LRIG3: variants seen among roughly 807,000 people sequenced by gnomAD.
The protein encoded by LRIG3 is leucine rich repeats and immunoglobulin like domains 3, also known as leucine-rich repeats and immunoglobulin-like domains protein 3.
Under a neutral mutation model 114.5 loss-of-function variants are expected in LRIG3, and 76 were observed. The observed-to-expected ratio is 0.66, with a 90% CI of 0.55 to 0.80. LRIG3 has a LOEUF of 0.80. LRIG3 is among the 30% of genes least tolerant of loss of function. The pLI, the probability that LRIG3 is intolerant of heterozygous loss-of-function variation, is 0.00. For missense variants in LRIG3, 1,239 were observed against 1,382.8 expected (o/e 0.90, Z 1.65); for synonymous variants, 512 against 519.8 (o/e 0.98, Z 0.20).
At chr12:58,908,923 AT>A (rs1329665939) in intron 3 of LRIG3, among the ~76,000 whole-genome samples, 3 of 152,246 alleles carry the variant, frequency 2.0e-5, no homozygotes, top group Non-Finnish European at 2.9e-5. Context: ...GAGGATAAAA[AT>A]ATAAACAAAA....
chr12:58,882,775 A>G, intron 12 of LRIG3, 94 bp downstream of exon 12: 1 of 1,336,734 alleles, frequency 7.5e-7, no homozygotes, highest in East Asian at 2.4e-5. Context: ...AGCTTTATAA[A>G]GAGATCATAA....
At chr12:58,883,630 C>G (rs775059494) in intron 10 of LRIG3, 39 bp from the exon 11 acceptor site, 14 of 1,462,272 alleles carry the variant, frequency 9.6e-6, no homozygotes, top group Non-Finnish European at 1.3e-5. Flanking sequence ...GAGCAAACTA[C>G]CATCATTTCG....
intron 13 of LRIG3, among the ~76,000 whole-genome samples, chr12:58,879,907 T>C (rs1159136215): frequency 6.6e-6 from 1 of 152,166 alleles, no homozygotes; most frequent in Non-Finnish European, 1.5e-5. Context: ...AGTGGCAGGA[T>C]TCACACACAG....
intron 3 of LRIG3, among the ~76,000 whole-genome samples, chr12:58,892,164 C>A (rs901713066): frequency 6.6e-6 from 1 of 152,158 alleles, no homozygotes; most frequent in Non-Finnish European, 1.5e-5. Context: ...AACGGATGTG[C>A]AAGCCATCAT....
intron 1 of LRIG3, 91 bp from the exon 2 acceptor site, chr12:58,914,427 T>A: frequency 2.1e-6 from 2 of 958,330 alleles, no homozygotes; most frequent in Non-Finnish European, 3.3e-6. Context: ...TGAACACCAG[T>A]GAGAGCAGGA....
intron 3 of LRIG3, among the ~76,000 whole-genome samples, chr12:58,899,553 T>C (rs1871767160): frequency 1.3e-5 from 2 of 152,310 alleles, no homozygotes; most frequent in South Asian, 2.1e-4. Context: ...ACTGTTTTTT[T>C]CATCATGTTT....
At chr12:58,875,886 A>G (rs1449383685) in intron 16 of LRIG3, among the ~76,000 whole-genome samples, 1 of 152,144 alleles carries the variant, frequency 6.6e-6, no homozygotes, top group Non-Finnish European at 1.5e-5. Flanking sequence ...CTAAAAATAC[A>G]AAAACAAAAG....
chr12:58,905,118 C>A (rs1208889252), intron 3 of LRIG3, among the ~76,000 whole-genome samples: 2 of 152,150 alleles, frequency 1.3e-5, no homozygotes, highest in Non-Finnish European at 2.9e-5. Context: ...AATGGGCCAA[C>A]AGGATGCAGA....
intron 3 of LRIG3, chr12:58,913,564 C>CA (rs140766279): frequency 0.026 from 4,023 of 155,874 alleles, 135 homozygotes; most frequent in East Asian, 0.099. Context: ...ATGGCTTATT[C>CA]TCAACTCCGG....
intron 14 of LRIG3, among the ~76,000 whole-genome samples, chr12:58,878,482 T>TA (rs896508081): frequency 2.0e-5 from 3 of 152,164 alleles, no homozygotes; most frequent in Non-Finnish European, 4.4e-5. Flanking sequence ...CATTTTTTTT[T>TA]AATGTTCTTT....
chr12:58,899,847 G>T (rs908129487), intron 3 of LRIG3, among the ~76,000 whole-genome samples: 1 of 152,062 alleles, frequency 6.6e-6, no homozygotes, highest in African/African-American at 2.4e-5. Context: ...AGGACAAAAT[G>T]GCCACATGTC....
At position 58,872,353 on chromosome 12, in the gene LRIG3, CAA is replaced by C. The variant is rs1350042550; in HGVS notation, c.*217_*218del. 6 of 339,374 alleles carry C rather than the reference CAA, an allele frequency of 1.8e-5. No individual in the cohort carries two copies. Among genetic ancestry groups the C allele is most frequent in the Non-Finnish European group, 3.1e-5 (6 of 194,326 alleles). 21.0% of individuals were successfully genotyped at this position (339,374 alleles called of 1,614,324 possible). ...ACGTAAGATACTTTTTTGCATAAAA[CAA>C]AGTTAAAAAATAGTTTAAAAAGGTA... is the stretch of plus-strand genomic sequence containing the variant. On this transcript the variant is annotated 3_prime_UTR_variant, in exon 19 of 19. Transcript: ENST00000320743.
At chr12:58,914,111 T>A in intron 2 of LRIG3, 55 bp from the exon 3 acceptor site, 1 of 1,567,204 alleles carries the variant, frequency 6.4e-7, no homozygotes, top group Non-Finnish European at 8.7e-7. Flanking sequence ...AATCTGTAAT[T>A]CACAGAGGTG....
Position 58,880,398 on chromosome 12 carries a change from A to G in LRIG3, c.1801+183T>C, listed in dbSNP as rs751980444. 6 of 720,174 alleles carry G rather than the reference A, an allele frequency of 8.3e-6. No individual in the cohort carries two copies. In the South Asian group the frequency reaches 9.0e-5, roughly 11 times the overall value. 44.6% of individuals were successfully genotyped at this position (720,174 alleles called of 1,614,324 possible). On this transcript the variant is annotated intron_variant, in intron 13 of 18. Coordinates refer to ENST00000320743, the MANE Select transcript of LRIG3 (RefSeq NM_153377.5). ...CTGAGTACGGTGTCGTCTTCAACAT[A>G]ATTGCAGGTTTAGATACAAATAACC...
rs79037840 is a variant in LRIG3 at position 58,884,884 on chromosome 12, T to C, written c.1244+947A>G. On this transcript the variant is annotated intron_variant, in intron 10 of 18. Transcript: ENST00000320743. ...TCCTTAACAGTCAGAGTCGATATTA[T>C]ACATTACTTTGTACTTTTACTGTAC... 7.2e-3 allele frequency among the ~76,000 whole-genome samples: 1,095 copies of C among 152,338 alleles called. 13 individuals carry two copies. The highest frequency in any genetic ancestry group is 0.024 in the African/African-American group (991 of 41,570).
chr12:58,909,629 C>T (rs889700951), intron 3 of LRIG3, among the ~76,000 whole-genome samples: 1 of 152,204 alleles, frequency 6.6e-6, no homozygotes, highest in Non-Finnish European at 1.5e-5. Flanking sequence ...ACATGCAAGA[C>T]AGCTTTACCT....
In LRIG3 at chr12:58,919,985, G is replaced by A. The variant is rs921447557; in HGVS notation, c.236+15C>T. On this transcript the variant is annotated intron_variant, in intron 1 of 18. Transcript: ENST00000320743. ...AGCGGCCCGGGCCCCCTCCCCCCGCGGGAAGAATACTTACAGCCGAGCGAC... is the reference window on the plus strand; with the variant it reads ...AGCGGCCCGGGCCCCCTCCCCCCGCAGGAAGAATACTTACAGCCGAGCGAC... 11 of 1,549,044 alleles carry A rather than the reference G, an allele frequency of 7.1e-6. No homozygotes were observed. Among genetic ancestry groups the A allele is most frequent in the African/African-American group, 4.1e-5 (3 of 73,070 alleles).
chr12:58,888,620 ATATAGTT>A (rs1264159168), intron 6 of LRIG3, 148 bp from the exon 7 acceptor site: 1 of 1,242,148 alleles, frequency 8.1e-7, no homozygotes, highest in Non-Finnish European at 1.1e-6. Flanking sequence ...AAAAAATACT[ATATAGTT>A]TATACTATAC....
chr12:58,906,204 T>G (rs916836996), intron 3 of LRIG3, among the ~76,000 whole-genome samples: 1 of 152,180 alleles, frequency 6.6e-6, no homozygotes. Context: ...CTAAAGCTGC[T>G]CCTCAACTTC....
Sources: gnomAD v4.1 joint callset for allele counts (sites outside exome capture counted in the v4.1 genomes callset) on GRCh38, gnomAD v4.1.1 for gene constraint, MANE v1.5 for transcripts, NCBI Gene and HGNC (gene_info 2026-07-23, HGNC 2026-07-21) for gene names.